DOCK8: variants seen among roughly 807,000 people sequenced by gnomAD.
DOCK8 encodes the protein dedicator of cytokinesis 8.
Under a neutral mutation model 245.6 loss-of-function variants are expected in DOCK8, and 141 were observed. The observed-to-expected ratio is 0.57, with a 90% CI of 0.50 to 0.66. DOCK8 has a LOEUF of 0.66. Among genes scored for constraint, DOCK8 ranks in the 30% least tolerant of loss-of-function variants. The probability of loss-of-function intolerance (pLI) is 0.00; values close to 1 mark genes in which losing one functional copy is unlikely to be tolerated. For missense variants in DOCK8, 2,965 were observed against 2,603.4 expected, an observed-to-expected ratio of 1.14 and a Z score of -3.02; for synonymous variants, 1,168 against 970.2, an observed-to-expected ratio of 1.20 and a Z score of -3.79.
At chr9:214,562 A>C (rs551269891), upstream of DOCK8, 1 of 1,613,826 alleles carries the variant, frequency 6.2e-7, no homozygotes, top group East Asian at 2.2e-5. Flanking sequence ...GGCTCCCCCG[A>C]CTTGCCTACA....
chr9:379,343 C>A (rs1033635653), intron 20 of DOCK8, among the ~76,000 whole-genome samples: 3 of 152,080 alleles, frequency 2.0e-5, no homozygotes, highest in Non-Finnish European at 4.4e-5. Flanking sequence ...GTGTCCACAA[C>A]AGTCACGTGA....
At chr9:405,391 TA>T (rs1360452848) in intron 27 of DOCK8, among the ~76,000 whole-genome samples, 1 of 152,220 alleles carries the variant, frequency 6.6e-6, no homozygotes, top group Non-Finnish European at 1.5e-5. Flanking sequence ...ATTGTTATAT[TA>T]TGCAAATAGA....
chr9:446,751 C>T, intron 44 of DOCK8, 145 bp downstream of exon 44: 1 of 740,422 alleles, frequency 1.4e-6, no homozygotes, highest in Non-Finnish European at 2.4e-6. Context: ...TCCTTTCACT[C>T]TCATAGTGCC....
chr9:359,618 G>A (rs569986920), intron 14 of DOCK8, among the ~76,000 whole-genome samples: 32 of 152,214 alleles, frequency 2.1e-4, no homozygotes, highest in African/African-American at 7.5e-4. Context: ...CAGATAATCA[G>A]AAGATGTTAC....
chr9:366,621 G>A (rs1314552332), intron 14 of DOCK8: 1 of 152,292 alleles, frequency 6.6e-6, no homozygotes, highest in South Asian at 2.1e-4. Flanking sequence ...TACCATGAAA[G>A]GATAAATAAA....
chr9:232,815 C>G (rs1457109678), intron 1 of DOCK8, among the ~76,000 whole-genome samples: 1 of 152,162 alleles, frequency 6.6e-6, no homozygotes. Flanking sequence ...TGCTAGCGGT[C>G]TATCAATTTT....
At chr9:351,801 C>G (rs186624985) in intron 14 of DOCK8, among the ~76,000 whole-genome samples, 1 of 152,206 alleles carries the variant, frequency 6.6e-6, no homozygotes, top group African/African-American at 2.4e-5. Context: ...CAACAGTCTT[C>G]CCTAGACAGC....
At position 370,124 on chromosome 9, in the gene DOCK8, C is replaced by T. The variant is rs184638188; in HGVS notation, c.1798-106C>T. 104 of 997,744 alleles carry T rather than the reference C, an allele frequency of 1.0e-4. 1 individual carries two copies. Among genetic ancestry groups the T allele is most frequent in the Admixed American group, 7.9e-4 (45 of 56,728 alleles). 61.8% of individuals were successfully genotyped at this position (997,744 alleles called of 1,614,324 possible). A position where few individuals can be genotyped will look rare whatever the true frequency, so the allele number is the denominator to read the frequency against. On this transcript the variant is annotated intron_variant, in intron 15 of 47. Transcript: ENST00000432829. Reference sequence around the variant, plus strand: ...GGCCAACCCAGCACTCTTAATTGTACAAAATGCAGCTCTATGAGACCAGAA... The same window carrying T: ...GGCCAACCCAGCACTCTTAATTGTATAAAATGCAGCTCTATGAGACCAGAA...
At position 439,255 on chromosome 9, in the gene DOCK8, C is replaced by A. The variant is rs780120167; in HGVS notation, c.5090C>A (p.Ser1697Tyr). 1.9e-6 allele frequency: 3 copies of A among 1,614,174 alleles called. No homozygotes were observed. The South Asian group carries it at 3.3e-5, about 18-fold the overall frequency. Residue 1697 changes from serine (S) to tyrosine (Y), a missense_variant, in exon 40 of 48, where the codon TCC becomes TAC. This residue lies in a region of DOCK8 where 2,825 missense variants were observed against 2,453.5 expected (regional missense o/e 1.15). Transcript: ENST00000432829. Reference protein sequence around the residue: ...VGSVSFQNISSNVLEESVVSE... With the variant: ...VGSVSFQNISYNVLEESVVSE... ...TGTGGTCTCTTTCAGAATATTTCTT[C>A]CAATGTGCTGGAGGAGTCTGTGGTC...
intron 18 of DOCK8, among the ~76,000 whole-genome samples, chr9:373,681 C>T (rs189469005): frequency 6.6e-5 from 10 of 152,306 alleles, no homozygotes; most frequent in East Asian, 1.9e-4. Flanking sequence ...GTCTCACTTC[C>T]GGCTGTTTTC....
chr9:420,569 T>C lies in DOCK8; in HGVS notation c.4009T>C (p.Cys1337Arg), dbSNP rs1230220177. The C allele has an allele frequency of 6.2e-7, 1 of 1,614,082 alleles. No individual in the cohort carries two copies. Among genetic ancestry groups the C allele is most frequent in the African/African-American group, 1.3e-5 (1 of 74,910 alleles). The part of the protein sequence containing the change: ...ILDLLFICVL[C>R]FEYKGKQSSD... ...AGATCTACTTTTCATCTGTGTGTTATGTTTTGAGTATAAGGTAAGTCTGGA... is the reference window on the plus strand; with the variant it reads ...AGATCTACTTTTCATCTGTGTGTTACGTTTTGAGTATAAGGTAAGTCTGGA... The change falls in exon 31 of 48, where the codon TGT (cysteine) becomes CGT (arginine). Residue 1337 changes from cysteine (C) to arginine (R), a missense_variant. Transcript: ENST00000432829.
At position 304,824 on chromosome 9, in the gene DOCK8, T is replaced by A. The variant is rs2049738305; in HGVS notation, c.528+120T>A. On this transcript the variant is annotated intron_variant, in intron 5 of 47. Coordinates refer to ENST00000432829, the MANE Select transcript of DOCK8 (RefSeq NM_203447.4). ...ATAGAAAGTTTGAGTAGGAGGAACT[T>A]TACCATCTGAGTCAGTGATTTTTTT... The A allele has an allele frequency of 3.6e-6, 5 of 1,397,334 alleles. No individual in the cohort carries two copies. The East Asian group carries it at 1.2e-4, about 32-fold the overall frequency. The allele number at this position is 1,397,334 out of a possible 1,614,324, so 86.6% of individuals were successfully genotyped here.
At chr9:334,203 G>A (rs776857682) in intron 10 of DOCK8, 22 bp from the exon 11 acceptor site, 3 of 1,614,012 alleles carry the variant, frequency 1.9e-6, no homozygotes, top group Admixed American at 1.7e-5. Context: ...GTTTCAGCTT[G>A]TTTCTTTCCA....
At chr9:420,830 C>G (rs1260931822) in intron 31 of DOCK8, 119 bp from the exon 32 acceptor site, 3 of 1,420,164 alleles carry the variant, frequency 2.1e-6, no homozygotes, top group East Asian at 2.3e-5. Flanking sequence ...AGAGCAGCAT[C>G]TCAGTGAAGC....
chr9:357,481 T>C (rs1341315452), intron 14 of DOCK8, among the ~76,000 whole-genome samples: 3 of 152,224 alleles, frequency 2.0e-5, no homozygotes, highest in Non-Finnish European at 1.5e-5. Flanking sequence ...CTTTCTCTCT[T>C]TCTGTCATTT....
intron 14 of DOCK8, among the ~76,000 whole-genome samples, chr9:359,922 GC>G (rs1255404508): frequency 6.6e-6 from 1 of 151,958 alleles, no homozygotes; most frequent in Non-Finnish European, 1.5e-5. Context: ...GAAAAACAGA[GC>G]TTTTTATGTA....
At chr9:379,725 TTA>T (rs1361479346) in intron 20 of DOCK8, 44 bp from the exon 21 acceptor site, 57 of 1,610,628 alleles carry the variant, frequency 3.5e-5, no homozygotes, top group Non-Finnish European at 4.7e-5. Flanking sequence ...CTCAGGCTCC[TTA>T]AGGACCAGCT....
intron 46 of DOCK8, among the ~76,000 whole-genome samples, chr9:455,784 A>AAATG (rs2057619890): frequency 2.0e-5 from 3 of 151,904 alleles, no homozygotes; most frequent in African/African-American, 7.2e-5. Flanking sequence ...ATAAATAAAT[A>AAATG]AATAATAAAA....
intron 18 of DOCK8, among the ~76,000 whole-genome samples, chr9:373,080 T>C (rs1300769172): frequency 6.6e-6 from 1 of 152,162 alleles, no homozygotes; most frequent in Non-Finnish European, 1.5e-5. Flanking sequence ...GGCAGGAGAA[T>C]CGCTTTAACC....
Sources: allele counts gnomAD v4.1 joint callset (sites outside exome capture counted in the v4.1 genomes callset), GRCh38; gene constraint gnomAD v4.1.1; regional missense constraint gnomAD v4.1.1; transcripts MANE v1.5; gene names NCBI Gene and HGNC (gene_info 2026-07-23, HGNC 2026-07-21).